The following KBTBD11 variants were observed in gnomAD, a reference collection of about 807,000 sequenced individuals.
The protein encoded by KBTBD11 is kelch repeat and BTB domain-containing protein 11.
For synonymous variants in KBTBD11, 747 were observed against 499.0 expected (o/e 1.50, Z -6.63); for missense variants, 1,390 against 1,001.8 (o/e 1.39, Z -5.23).
At position 2,003,226 on chromosome 8, in the gene KBTBD11, T is replaced by G. The variant is rs1411156760; in HGVS notation, c.*162T>G. 4.4e-6 allele frequency: 5 copies of G among 1,127,928 alleles called. No homozygotes were observed. The Admixed American group carries it at 2.1e-4, about 48-fold the overall frequency. The allele number at this position is 1,127,928 out of a possible 1,614,324, so 69.9% of individuals were successfully genotyped here. Reference sequence around the variant, plus strand: ...AGGACGCTCTCAGGGCCGCTTTCGCTTTGCTTTCCTTTTGCTTGTCTTTGC... The same window carrying G: ...AGGACGCTCTCAGGGCCGCTTTCGCGTTGCTTTCCTTTTGCTTGTCTTTGC... On this transcript the variant is annotated 3_prime_UTR_variant, in exon 2 of 2. Transcript: ENST00000320248.
intron 1 of KBTBD11, among the ~76,000 whole-genome samples, chr8:1,991,038 C>G (rs6988363): frequency 1.0e-3 from 3 of 2,924 alleles, no homozygotes; most frequent in East Asian, 0.016. Context: ...TAGATGCTGC[C>G]GGGCCTTGGC....
intron 1 of KBTBD11, among the ~76,000 whole-genome samples, chr8:1,986,318 G>T (rs1816705495): frequency 6.6e-6 from 1 of 152,146 alleles, no homozygotes; most frequent in South Asian, 2.1e-4. Context: ...AGTAGAATTG[G>T]GACTCTGTCA....
At chr8:1,977,747 GC>G (rs1399518744) in intron 1 of KBTBD11, among the ~76,000 whole-genome samples, 2 of 151,994 alleles carry the variant, frequency 1.3e-5, no homozygotes, top group African/African-American at 4.8e-5. Context: ...TGTTAGCCAG[GC>G]TGGTCTCGAA....
At chr8:1,983,246 C>A (rs1365987895) in intron 1 of KBTBD11, among the ~76,000 whole-genome samples, 1 of 152,192 alleles carries the variant, frequency 6.6e-6, no homozygotes, top group East Asian at 1.9e-4. Context: ...GCCTCTGCTG[C>A]CACCCTGTGT....
In KBTBD11 at chr8:2,001,433, G is replaced by A; in HGVS notation, c.241G>A (p.Gly81Ser). 5.9e-6 allele frequency: 8 copies of A among 1,360,364 alleles called. No individual in the cohort carries two copies. The highest frequency in any genetic ancestry group is 7.5e-6 in the Non-Finnish European group (8 of 1,064,452). 84.3% of individuals were successfully genotyped at this position (1,360,364 alleles called of 1,614,324 possible). Residue 81 changes from glycine (G) to serine (S), a missense_variant, in exon 2 of 2, where the codon GGC becomes AGC. Transcript: ENST00000320248. ...PRVVERQWEA[G>S]SAGAASPEEL... is the part of the protein sequence containing the mutation. ...GGTGGTGGAGCGGCAGTGGGAGGCC[G>A]GCAGCGCGGGCGCCGCGTCCCCGGA...
chr8:1,983,412 C>A lies in KBTBD11; in HGVS notation c.-909+9477C>A, dbSNP rs144378002. ...CAGGCAGCTGGGTGCTCCTTGTAAC[C>A]CTGTGCCTGCCACCGCTCCGTGACC... On this transcript the variant is annotated intron_variant, in intron 1 of 1. Coordinates refer to ENST00000320248, the MANE Select transcript of KBTBD11 (RefSeq NM_014867.3). 3.0e-3 allele frequency among the ~76,000 whole-genome samples: 457 copies of A among 152,312 alleles called. 3 individuals are homozygous for A. The highest frequency in any genetic ancestry group is 5.3e-3 in the Admixed American group (81 of 15,302).
At position 2,001,238 on chromosome 8, in the gene KBTBD11, C is replaced by G. The variant is rs1414398113; in HGVS notation, c.46C>G (p.Pro16Ala). 2.0e-6 allele frequency: 3 copies of G among 1,484,046 alleles called. No homozygotes were observed. Among genetic ancestry groups the G allele is most frequent in the South Asian group, 2.6e-5 (2 of 77,928 alleles). The allele number at this position is 1,484,046 out of a possible 1,614,324, so 91.9% of individuals were successfully genotyped here. The change falls in exon 2 of 2, where the codon CCC becomes GCC. Residue 16 changes from proline to alanine, a missense_variant. By Grantham distance (27) the Pro-to-Ala change is conservative. Transcript: ENST00000320248. Reference sequence around the variant, plus strand: ...CTGCGTCCTCTACCCAGGGACTGAGCCCGGGGCTGCCGGGGAGAGCGAGAG... The same window carrying G: ...CTGCGTCCTCTACCCAGGGACTGAGGCCGGGGCTGCCGGGGAGAGCGAGAG... Reference protein sequence around the residue: ...APCVLYPGTEPGAAGESESEG... With the variant: ...APCVLYPGTEAGAAGESESEG...
At position 2,001,656 on chromosome 8, in the gene KBTBD11, A is replaced by C; in HGVS notation, c.464A>C (p.Lys155Thr). Residue 155 changes from lysine to threonine, a missense_variant, in exon 2 of 2, where the codon AAG becomes ACG. By Grantham distance (78) the Lys-to-Thr change is moderately conservative. Transcript: ENST00000320248. ...TCGGGGCGCCGGCTGCGCGCGCACA[A>C]GGCGGTGCTGGCGGCGCGCAGCGAC... ...EVSGRRLRAHKAVLAARSDYF... is the reference protein window; with the variant it reads ...EVSGRRLRAHTAVLAARSDYF... 6.8e-7 allele frequency: 1 copy of C among 1,473,320 alleles called. No individual in the cohort carries two copies. Among genetic ancestry groups the C allele is most frequent in the Non-Finnish European group, 8.9e-7 (1 of 1,117,580 alleles). The allele number at this position is 1,473,320 out of a possible 1,614,324, so 91.3% of individuals were successfully genotyped here.
chr8:1,980,771 G>C (rs1816514871), intron 1 of KBTBD11, among the ~76,000 whole-genome samples: 1 of 152,226 alleles, frequency 6.6e-6, no homozygotes, highest in African/African-American at 2.4e-5. Context: ...TACTGGTTCT[G>C]TTAACTGTCT....
chr8:1,998,152 T>G lies in KBTBD11; in HGVS notation c.-908-2133T>G, dbSNP rs190121920. Reference sequence around the variant, plus strand: ...ATTGGATCCTTTCAGATTTGGGGTTTTGGGAGTTGAAATGTAAGTATAAAT... The same window carrying G: ...ATTGGATCCTTTCAGATTTGGGGTTGTGGGAGTTGAAATGTAAGTATAAAT... On this transcript the variant is annotated intron_variant, in intron 1 of 1. Transcript: ENST00000320248. 5.0e-3 allele frequency among the ~76,000 whole-genome samples: 757 copies of G among 152,308 alleles called. 5 individuals carry two copies. The highest frequency in any genetic ancestry group is 5.8e-3 in the Non-Finnish European group (392 of 68,022).
At chr8:1,980,626 G>T (rs1020911837) in intron 1 of KBTBD11, among the ~76,000 whole-genome samples, 1 of 152,242 alleles carries the variant, frequency 6.6e-6, no homozygotes, top group Non-Finnish European at 1.5e-5. Flanking sequence ...GCATCGGGCT[G>T]TGGCATGGCC....
chr8:1,991,538 C>A lies in KBTBD11; in HGVS notation c.-908-8747C>A, dbSNP rs1053429417. On this transcript the variant is annotated intron_variant, in intron 1 of 1. Transcript: ENST00000320248. The stretch of plus-strand genomic sequence containing the variant: ...GAGATAATGAGCTTTCCCTCGATTC[C>A]AGCTCTGTGATCCATGAGGGCAGGG... Among the ~76,000 whole-genome samples, 337 of 152,122 alleles carry A rather than the reference C, an allele frequency of 2.2e-3. 4 individuals are homozygous for A. The highest frequency in any genetic ancestry group is 7.7e-3 in the African/African-American group (320 of 41,372).
intron 1 of KBTBD11, among the ~76,000 whole-genome samples, chr8:1,996,504 G>C (rs1365475346): frequency 6.6e-6 from 1 of 152,098 alleles, no homozygotes. Context: ...CTGACCTCAG[G>C]TGACCCACCC....
At chr8:1,980,488 G>A (rs1178227040) in intron 1 of KBTBD11, among the ~76,000 whole-genome samples, 1 of 152,210 alleles carries the variant, frequency 6.6e-6, no homozygotes, top group African/African-American at 2.4e-5. Flanking sequence ...GCCTCCCAAA[G>A]TGCAGGGATT....
At chr8:1,997,443 T>C (rs1411750461) in intron 1 of KBTBD11, among the ~76,000 whole-genome samples, 2 of 151,750 alleles carry the variant, frequency 1.3e-5, no homozygotes, top group Non-Finnish European at 2.9e-5. Context: ...TCTTTTAACA[T>C]AATTTGAGAC....
intron 1 of KBTBD11, 99 bp downstream of exon 1, chr8:1,974,034 G>A (rs1816218857): frequency 1.1e-6 from 1 of 945,606 alleles, no homozygotes; most frequent in Non-Finnish European, 1.3e-6. Context: ...GGAGGTGGTC[G>A]GCGAGAGCGG....
Position 2,003,160 on chromosome 8 carries a change from G to T in KBTBD11, c.*96G>T. 1 of 1,245,830 alleles carries T rather than the reference G, an allele frequency of 8.0e-7. No individual in the cohort carries two copies. Among genetic ancestry groups the T allele is most frequent in the East Asian group, 3.2e-5 (1 of 31,448 alleles). 77.2% of individuals were successfully genotyped at this position (1,245,830 alleles called of 1,614,324 possible). A position where few individuals can be genotyped will look rare whatever the true frequency, so the allele number is the denominator to read the frequency against. ...GAGGACGTGGTGGGGAGTCGGGGCC[G>T]CTGGCCACGCTGGTGGTTTGGACAC... is the stretch of plus-strand genomic sequence containing the variant. On this transcript the variant is annotated 3_prime_UTR_variant, in exon 2 of 2. Coordinates refer to ENST00000320248, the MANE Select transcript of KBTBD11 (RefSeq NM_014867.3).
At chr8:1,983,355 G>T (rs1816602779) in intron 1 of KBTBD11, among the ~76,000 whole-genome samples, 1 of 152,202 alleles carries the variant, frequency 6.6e-6, no homozygotes, top group African/African-American at 2.4e-5. Flanking sequence ...TCTGTCCCCA[G>T]TCACGATGCT....
At position 1,979,817 on chromosome 8, in the gene KBTBD11, C is replaced by T. The variant is rs562726333; in HGVS notation, c.-909+5882C>T. Among the ~76,000 whole-genome samples, 12 of 152,346 alleles carry T rather than the reference C, an allele frequency of 7.9e-5. No homozygotes were observed. In the South Asian group the frequency reaches 8.3e-4, roughly 11 times the overall value. On this transcript the variant is annotated intron_variant, in intron 1 of 1. Coordinates refer to ENST00000320248, the MANE Select transcript of KBTBD11 (RefSeq NM_014867.3). ...GCAGCTGGGTGCAGGTTGGCAGCCT[C>T]GGGACAGGGCTCGGGCCTCATCCCG...
Sources: gnomAD v4.1 joint callset for allele counts (sites outside exome capture counted in the v4.1 genomes callset) on GRCh38, gnomAD v4.1.1 for gene constraint, MANE v1.5 for transcripts, NCBI Gene and HGNC (gene_info 2026-07-23, HGNC 2026-07-21) for gene names.